KRT36: variants seen among roughly 807,000 people sequenced by gnomAD.
KRT36 encodes the protein keratin, type I cuticular Ha6.
KRT36 carries 41 observed loss-of-function variants against 43.0 expected under a neutral mutation model. That is an observed-to-expected ratio of 0.95 (90% CI 0.74 to 1.24). The LOEUF (loss-of-function observed/expected upper bound fraction) is 1.24. KRT36 is among the 50% of genes most tolerant of loss of function. The probability of loss-of-function intolerance (pLI) is 0.00; values close to 1 mark genes in which losing one functional copy is unlikely to be tolerated. For synonymous variants in KRT36, 277 were observed against 252.9 expected (o/e 1.10, Z -0.90); for missense variants, 627 against 595.3 (o/e 1.05, Z -0.55).
intron 6 of KRT36, 45 bp downstream of exon 6, chr17:41,486,905 A>C (rs1196957968): frequency 1.9e-6 from 3 of 1,557,052 alleles, no homozygotes; most frequent in South Asian, 2.3e-5. Flanking sequence ...TCCACATGGC[A>C]CTGAGGGTTC....
intron 1 of KRT36, 80 bp downstream of exon 1, chr17:41,489,326 A>T (rs1904495577): frequency 6.9e-7 from 1 of 1,456,494 alleles, no homozygotes; most frequent in Admixed American, 1.9e-5. Context: ...CTACCGTCCC[A>T]TCTGGAAAGG....
At position 41,487,382 on chromosome 17, in the gene KRT36, AGC is replaced by A. The variant is rs766623701; in HGVS notation, c.954_955del (p.Leu319ArgfsTer3). ...GTGCTGAGCCTGCAGCTCAATCTCT[AGC>A]GCGTTGACCGTACGTCTCAGCTCGA... On this transcript the variant is annotated frameshift_variant, in exon 5 of 7. Transcript: ENST00000328119. LOFTEE classifies it high-confidence loss of function. The A allele has an allele frequency of 4.5e-5, 73 of 1,612,970 alleles. 1 individual carries two copies. The Admixed American group carries it at 1.2e-3, about 26-fold the overall frequency.
At position 41,489,814 on chromosome 17, in the gene KRT36, G is replaced by T. The variant is rs954919645; in HGVS notation, c.51C>A (p.Gly17=). The T allele has an allele frequency of 1.2e-6, 2 of 1,613,704 alleles. No homozygotes were observed. The highest frequency in any genetic ancestry group is 2.2e-5 in the East Asian group (1 of 44,862). Residue 17 remains glycine (G), a synonymous_variant, in exon 1 of 7, where the codon GGC becomes GGA. Transcript: ENST00000328119. ...AGATGCCGCCTGCTGTGCCACAGAG[G>T]CCCTTGATAGACCCAGTGGAGAAGG... is the stretch of plus-strand genomic sequence containing the variant. ...TPTFSTGSIK[G]LCGTAGGISR...
chr17:41,487,448 G>C lies in KRT36; in HGVS notation c.890C>G (p.Ser297Cys). 1 of 1,614,164 alleles carries C rather than the reference G, an allele frequency of 6.2e-7. No individual in the cohort carries two copies. The highest frequency in any genetic ancestry group is 8.5e-7 in the Non-Finnish European group (1 of 1,180,016). Reference sequence around the variant, plus strand: ...GCAGCACTGCAGCTGCTCCGAGCTGGACACCACCTGCTGGTTCAGCTCCTC... The same window carrying C: ...GCAGCACTGCAGCTGCTCCGAGCTGCACACCACCTGCTGGTTCAGCTCCTC... ...QTEELNQQVV[S>C]SSEQLQCCQT... Residue 297 changes from serine to cysteine, a missense_variant, in exon 5 of 7, where the codon TCC becomes TGC. By Grantham distance (112) the Ser-to-Cys change is moderately radical. Transcript: ENST00000328119.
At chr17:41,488,589 G>T in intron 2 of KRT36, 53 bp downstream of exon 2, 1 of 1,571,114 alleles carries the variant, frequency 6.4e-7, no homozygotes, top group Non-Finnish European at 8.8e-7. Context: ...CAAAGGCAGG[G>T]GACAGAGGCA....
At position 41,489,646 on chromosome 17, in the gene KRT36, G is replaced by A. The variant is rs1392361192; in HGVS notation, c.219C>T (p.His73=). The A allele has an allele frequency of 6.2e-7, 1 of 1,614,232 alleles. No individual in the cohort carries two copies. The highest frequency in any genetic ancestry group is 1.1e-5 in the South Asian group (1 of 91,088). Residue 73 remains histidine, a synonymous_variant, in exon 1 of 7, where the codon CAC becomes CAT. Coordinates refer to ENST00000328119, the MANE Select transcript of KRT36 (RefSeq NM_003771.5). The part of the protein sequence containing the change: ...LPGSYLSSEC[H]TSGFVGSGGW... ...CCCCGCTCCCCACAAAGCCAGAGGT[G>A]TGGCACTCAGAAGACAGGTAGGAGC...
chr17:41,487,623 G>A lies in KRT36; in HGVS notation c.814C>T (p.Leu272=). The change falls in exon 4 of 7, where the codon CTG becomes TTG. Residue 272 remains leucine, a synonymous_variant. Coordinates refer to ENST00000328119, the MANE Select transcript of KRT36 (RefSeq NM_003771.5). Reference sequence around the variant, plus strand: ...ACATCTCTGCGGTTATTCTCCACCAGGGCCTCGTACTGGCATCTCATATCC... The same window carrying A: ...ACATCTCTGCGGTTATTCTCCACCAAGGCCTCGTACTGGCATCTCATATCC... The part of the protein sequence containing the change: ...LEDMRCQYEA[L]VENNRRDVEA... 1.2e-6 allele frequency: 2 copies of A among 1,614,202 alleles called. No homozygotes were observed. The highest frequency in any genetic ancestry group is 2.2e-5 in the South Asian group (2 of 91,086).
At chr17:41,486,655 C>A in intron 6 of KRT36, 84 bp from the exon 7 acceptor site, 1 of 1,127,732 alleles carries the variant, frequency 8.9e-7, no homozygotes, top group Non-Finnish European at 1.2e-6. Context: ...GAGGATCAAG[C>A]GAGACCGGTG....
rs1241982424 is a variant in KRT36, at chr17:41,487,045, C to CCGCTCGGG, written c.1112_1113insCCCGAGCG (p.Gln372ProfsTer153). The CCGCTCGGG allele has an allele frequency of 6.2e-7, 1 of 1,614,102 alleles. No individual in the cohort carries two copies. The highest frequency in any genetic ancestry group is 8.5e-7 in the Non-Finnish European group (1 of 1,180,042). ...GTAACACCTGGTACTCCTGGTTCTG[C>CCGCTCGGG]CGCTCCAGGTCGCAGCGGATCTCAG... On this transcript the variant is annotated frameshift_variant, in exon 6 of 7. Transcript: ENST00000328119. LOFTEE classifies it high-confidence loss of function.
Position 41,486,479 on chromosome 17 carries a change from G to T in KRT36, c.1301C>A (p.Thr434Asn), listed in dbSNP as rs769816413. The change falls in exon 7 of 7, where the codon ACC becomes AAC. Residue 434 changes from threonine (T) to asparagine (N), a missense_variant. Thr to Asn is a moderately conservative substitution (Grantham distance 65). Coordinates refer to ENST00000328119, the MANE Select transcript of KRT36 (RefSeq NM_003771.5). Reference protein sequence around the residue: ...PVPCVPSVPCTPAPQVGTQIR... With the variant: ...PVPCVPSVPCNPAPQVGTQIR... Reference sequence around the variant, plus strand: ...CTGAGTGCCAACCTGGGGAGCCGGGGTGCAGGGCACAGAGGGGACACAGGG... The same window carrying T: ...CTGAGTGCCAACCTGGGGAGCCGGGTTGCAGGGCACAGAGGGGACACAGGG... The T allele has an allele frequency of 1.2e-6, 2 of 1,613,908 alleles. No homozygotes were observed. The highest frequency in any genetic ancestry group is 3.3e-5 in the Admixed American group (2 of 59,990).
chr17:41,488,132 A>G, intron 3 of KRT36, 111 bp downstream of exon 3: 1 of 1,015,706 alleles, frequency 9.8e-7, no homozygotes, highest in Non-Finnish European at 1.5e-6. Context: ...TGAAACGAGA[A>G]TGAAATGCAA....
intron 6 of KRT36, 99 bp downstream of exon 6, chr17:41,486,851 A>C: frequency 9.0e-7 from 1 of 1,107,320 alleles, no homozygotes; most frequent in Non-Finnish European, 1.3e-6. Flanking sequence ...GCTTTGGTTT[A>C]GTTCCCTTCA....
At position 41,487,696 on chromosome 17, in the gene KRT36, A is replaced by C. The variant is rs757304475; in HGVS notation, c.741T>G (p.Asn247Lys). Residue 247 changes from asparagine to lysine, a missense_variant, in exon 4 of 7, where the codon AAT (asparagine) becomes AAG (lysine). Physicochemically the swap from Asn to Lys is moderately conservative, Grantham distance 94 (BLOSUM62 0). Transcript: ENST00000328119. ...CTGGGGGAGCAGCGTCCACCTCCAC[A>C]TTCAGTCGGTCCCCAAGTTGGCAAC... ...VLRCQLGDRL[N>K]VEVDAAPPVD... 3 of 1,613,964 alleles carry C rather than the reference A, an allele frequency of 1.9e-6. No homozygotes were observed. The highest frequency in any genetic ancestry group is 2.5e-6 in the Non-Finnish European group (3 of 1,179,876).
At chr17:41,488,480 A>C (rs1365680557) in intron 2 of KRT36, 81 bp from the exon 3 acceptor site, 2 of 1,564,916 alleles carry the variant, frequency 1.3e-6, no homozygotes, top group Non-Finnish European at 1.7e-6. Flanking sequence ...GTCCAGCTGC[A>C]GTGGCTGACG....
rs368296778 is a variant in KRT36, at chr17:41,486,481, G to C, written c.1299C>G (p.Cys433Trp). Residue 433 changes from cysteine (C) to tryptophan (W), a missense_variant, in exon 7 of 7, where the codon TGC (cysteine) becomes TGG (tryptophan). By Grantham distance (215) the Cys-to-Trp change is radical. Transcript: ENST00000328119. ...PPVPCVPSVP[C>W]TPAPQVGTQI... ...GAGTGCCAACCTGGGGAGCCGGGGT[G>C]CAGGGCACAGAGGGGACACAGGGCA... 21 of 1,613,726 alleles carry C rather than the reference G, an allele frequency of 1.3e-5. No individual in the cohort carries two copies. The highest frequency in any genetic ancestry group is 1.8e-5 in the Non-Finnish European group (21 of 1,179,890).
At chr17:41,489,361 T>C in intron 1 of KRT36, 45 bp downstream of exon 1, 16 of 1,585,498 alleles carry the variant, frequency 1.0e-5, no homozygotes, top group Non-Finnish European at 1.4e-5. Context: ...AGACGCCTCC[T>C]AAGAGTTGGG....
chr17:41,489,343 A>G (rs2144488993), intron 1 of KRT36, 63 bp downstream of exon 1: 2 of 1,532,554 alleles, frequency 1.3e-6, no homozygotes, highest in African/African-American at 1.4e-5. Context: ...AAGGCCCTGG[A>G]ATGAGACAGA....
Position 41,486,368 on chromosome 17 carries a change from G to A in KRT36, c.*8C>T. ...TCAGGGCCCTGCCCTGGTGGACCAA[G>A]TGGGCTGTCACAGCGGGCGGGACTG... On this transcript the variant is annotated 3_prime_UTR_variant, in exon 7 of 7. Transcript: ENST00000328119. 1 of 1,612,788 alleles carries A rather than the reference G, an allele frequency of 6.2e-7. No individual in the cohort carries two copies. The highest frequency in any genetic ancestry group is 8.5e-7 in the Non-Finnish European group (1 of 1,179,434).
chr17:41,487,704 G>A lies in KRT36; in HGVS notation c.733C>T (p.Arg245Ter), dbSNP rs781275119. 13 of 1,613,598 alleles carry A rather than the reference G, an allele frequency of 8.1e-6. No homozygotes were observed. The highest frequency in any genetic ancestry group is 1.7e-5 in the Admixed American group (1 of 59,982). ...VSVLRCQLGD[R>*]LNVEVDAAPP... The stretch of plus-strand genomic sequence containing the variant: ...GCAGCGTCCACCTCCACATTCAGTC[G>A]GTCCCCAAGTTGGCAACGGAGTACA... The change falls in exon 4 of 7, where the codon CGA becomes TGA. Residue 245 changes from arginine (R) to a stop codon, truncating the protein, a stop_gained. Coordinates refer to ENST00000328119, the MANE Select transcript of KRT36 (RefSeq NM_003771.5). LOFTEE classifies it high-confidence loss of function.
Sources: gnomAD v4.1 joint callset for allele counts on GRCh38, gnomAD v4.1.1 for gene constraint, MANE v1.5 for transcripts, NCBI Gene and HGNC (gene_info 2026-07-23, HGNC 2026-07-21) for gene names.